Variants in PRDM16 observed in about 807,000 individuals in gnomAD.
The protein encoded by PRDM16 is PR/SET domain 16.
A neutral mutation model predicts 110.6 loss-of-function variants in PRDM16; 23 were observed. That is an observed-to-expected ratio of 0.21 (90% CI 0.15 to 0.29). PRDM16 has a LOEUF of 0.29. PRDM16 is among the 10% of genes least tolerant of loss of function. The pLI is 1.00. For missense variants in PRDM16, 1,615 were observed against 1,794.3 expected (o/e 0.90, Z 1.81); for synonymous variants, 799 against 781.8 (o/e 1.02, Z -0.37).
chr1:3,272,756 C>A (rs1329972223), intron 3 of PRDM16, among the ~76,000 whole-genome samples: 1 of 152,228 alleles, frequency 6.6e-6, no homozygotes, highest in Non-Finnish European at 1.5e-5. Context: ...TGGGGGCCAG[C>A]CTTCCAGGCC....
chr1:3,230,158 C>T (rs932057122), intron 2 of PRDM16, among the ~76,000 whole-genome samples: 2 of 152,180 alleles, frequency 1.3e-5, no homozygotes, highest in Non-Finnish European at 2.9e-5. Context: ...GCTGTCTAGC[C>T]GAGGGCCTCA....
chr1:3,401,621 G>A (rs766088572), intron 5 of PRDM16, among the ~76,000 whole-genome samples: 7 of 151,508 alleles, frequency 4.6e-5, no homozygotes, highest in Middle Eastern at 6.8e-3. Context: ...CACAATGTGC[G>A]TGTTCACACA....
chr1:3,377,998 C>T (rs1231874847), intron 3 of PRDM16, among the ~76,000 whole-genome samples: 2 of 152,158 alleles, frequency 1.3e-5, no homozygotes, highest in Non-Finnish European at 2.9e-5. Context: ...AGACTTCACA[C>T]CAAAACAGGC....
In PRDM16 at chr1:3,252,386, G is replaced by T. The variant is rs544540137; in HGVS notation, c.438+8249G>T. ...GGGCCCTGAATCCCTCAAATAGAGG[G>T]GGGATCTTCCCTGGCTTCTTGGGGC... On this transcript the variant is annotated intron_variant, in intron 3 of 16. Coordinates refer to ENST00000270722, the MANE Select transcript of PRDM16 (RefSeq NM_022114.4). 4.5e-3 allele frequency among the ~76,000 whole-genome samples: 688 copies of T among 152,332 alleles called. 5 individuals are homozygous for T. Among genetic ancestry groups the T allele is most frequent in the Non-Finnish European group, 7.1e-3 (480 of 68,030 alleles).
intron 3 of PRDM16, among the ~76,000 whole-genome samples, chr1:3,252,498 G>T (rs1387214314): frequency 6.6e-6 from 1 of 152,162 alleles, no homozygotes; most frequent in Non-Finnish European, 1.5e-5. Context: ...GGTCCCTAAG[G>T]CCTATCTGGC....
At chr1:3,235,713 C>T (rs114771629) in intron 2 of PRDM16, among the ~76,000 whole-genome samples, 2,310 of 152,310 alleles carry the variant, frequency 0.015, 65 homozygotes, top group African/African-American at 0.053. Flanking sequence ...GGGGAAAGAG[C>T]GCCCGTGAGT....
At chr1:3,378,300 G>T (rs1643031027) in intron 3 of PRDM16, among the ~76,000 whole-genome samples, 1 of 152,198 alleles carries the variant, frequency 6.6e-6, no homozygotes, top group Admixed American at 6.5e-5. Context: ...CCAAGCTGGG[G>T]AGTGGTGGCC....
intron 1 of PRDM16, among the ~76,000 whole-genome samples, chr1:3,162,196 C>G (rs1643903921): frequency 6.6e-6 from 1 of 152,208 alleles, no homozygotes; most frequent in African/African-American, 2.4e-5. Flanking sequence ...ACCATCACCC[C>G]TCTCTGTGCC....
At chr1:3,414,494 T>C in intron 9 of PRDM16, 66 bp from the exon 10 acceptor site, 2 of 1,292,776 alleles carry the variant, frequency 1.5e-6, no homozygotes, top group Admixed American at 3.7e-5. Context: ...GGCGGCTCTG[T>C]GGAGCGGGTG....
intron 2 of PRDM16, among the ~76,000 whole-genome samples, chr1:3,226,296 T>C (rs1302511303): frequency 1.3e-5 from 2 of 152,146 alleles, no homozygotes; most frequent in Admixed American, 1.3e-4. Context: ...CACGGGGACG[T>C]TGACATGTTG....
Position 3,405,480 on chromosome 1 carries a change from C to T in PRDM16, c.1033-15C>T, listed in dbSNP as rs754579975. ...GTCCAGGCAGGGCACGCGCCAACGG[C>T]ATCCGTCTCCCCAGGTGTTCACGGA... is the stretch of plus-strand genomic sequence containing the variant. On this transcript the variant is annotated splice_polypyrimidine_tract_variant and intron_variant, in intron 7 of 16. Transcript: ENST00000270722. The T allele has an allele frequency of 1.9e-5, 30 of 1,552,190 alleles. No homozygotes were observed. Among genetic ancestry groups the T allele is most frequent in the Non-Finnish European group, 2.5e-5 (29 of 1,145,914 alleles).
In PRDM16 at chr1:3,412,118, A is replaced by C. The variant is rs1432756595; in HGVS notation, c.1921A>C (p.Lys641Gln). The change falls in exon 9 of 17, where the codon AAG becomes CAG. Residue 641 changes from lysine to glutamine, a missense_variant. Lys to Gln is a moderately conservative substitution (Grantham distance 53). Transcript: ENST00000270722. ...CCCTGACAAGGACAAGGGCAAGGGC[A>C]AGTCCGCCGAGGGCCAGCCCAAGTT... ...SDPDKDKGKG[K>Q]SAEGQPKFGG... The C allele has an allele frequency of 1.3e-6, 2 of 1,570,536 alleles. No individual in the cohort carries two copies. Among genetic ancestry groups the C allele is most frequent in the South Asian group, 2.4e-5 (2 of 84,160 alleles).
At position 3,255,080 on chromosome 1, in the gene PRDM16, G is replaced by A. The variant is rs1640014349; in HGVS notation, c.438+10943G>A. Among the ~76,000 whole-genome samples, 1 of 151,902 alleles carries A rather than the reference G, an allele frequency of 6.6e-6. No individual in the cohort carries two copies. ...GAAAGGATTCCCTATTTAATAAATG[G>A]TGCTGGGAAAACTGGCTAGCCATAT... On this transcript the variant is annotated intron_variant, in intron 3 of 16. Coordinates refer to ENST00000270722, the MANE Select transcript of PRDM16 (RefSeq NM_022114.4). The surrounding 1 kb of genome is among the most constrained non-coding windows in gnomAD (Gnocchi z 4.7).
At chr1:3,404,932 C>T (rs184088509) in intron 7 of PRDM16, 46 bp downstream of exon 7, 5 of 1,589,538 alleles carry the variant, frequency 3.1e-6, no homozygotes, top group Non-Finnish European at 4.3e-6. Flanking sequence ...CAGCAGGAGG[C>T]TGCAGACGGG....
intron 4 of PRDM16, among the ~76,000 whole-genome samples, chr1:3,389,949 G>GCCCCCCCCCCCCCCCC (rs70938087): frequency 1.9e-4 from 20 of 106,946 alleles, no homozygotes; most frequent in Non-Finnish European, 2.2e-4. Context: ...CTGGGGGTGC[G>GCCCCCCCCCCCCCCCC]CCCCCCCCCC....
chr1:3,097,332 C>T (rs770303345), intron 1 of PRDM16, among the ~76,000 whole-genome samples: 6 of 152,206 alleles, frequency 3.9e-5, no homozygotes, highest in Non-Finnish European at 7.3e-5. Flanking sequence ...GGCAGGGCTG[C>T]CGAGGGCTGC....
At chr1:3,181,460 A>AAG (rs1557509183) in intron 1 of PRDM16, among the ~76,000 whole-genome samples, 1 of 41,974 alleles carries the variant, frequency 2.4e-5, no homozygotes, top group Non-Finnish European at 7.3e-5. Flanking sequence ...GGTCTTACAC[A>AAG]CGGTCTTACA....
intron 3 of PRDM16, chr1:3,309,503 C>T (rs1641397666): frequency 6.6e-6 from 1 of 152,286 alleles, no homozygotes; most frequent in Admixed American, 6.5e-5. Flanking sequence ...CATGCCAGCT[C>T]TGTGGCACTG....
At chr1:3,170,059 T>G (rs1644008079) in intron 1 of PRDM16, among the ~76,000 whole-genome samples, 1 of 35,250 alleles carries the variant, frequency 2.8e-5, no homozygotes, top group South Asian at 1.4e-3. Context: ...ATTAATGAAT[T>G]TTTTTTTTCT....
Sources: allele counts gnomAD v4.1 joint callset (sites outside exome capture counted in the v4.1 genomes callset), GRCh38; gene constraint gnomAD v4.1.1; non-coding constraint Gnocchi (gnomAD v3.1); transcripts MANE v1.5; gene names NCBI Gene and HGNC (gene_info 2026-07-23, HGNC 2026-07-21).